Variants in SMURF2 observed in about 807,000 individuals in gnomAD.
The protein encoded by SMURF2 is SMAD specific E3 ubiquitin protein ligase 2.
SMURF2 carries 48 observed loss-of-function variants against 109.6 expected under a neutral mutation model. The observed-to-expected ratio is 0.44, with a 90% CI of 0.35 to 0.56. SMURF2 has a LOEUF of 0.56. SMURF2 is among the 20% of genes least tolerant of loss of function. The probability of loss-of-function intolerance (pLI) is 0.01; values close to 1 mark genes in which losing one functional copy is unlikely to be tolerated. For synonymous variants in SMURF2, 288 were observed against 317.1 expected, an observed-to-expected ratio of 0.91 and a Z score of 0.97; for missense variants, 575 against 909.0, an observed-to-expected ratio of 0.63 and a Z score of 4.72.
In SMURF2 at chr17:64,643,155, G is replaced by A. The variant is rs550238340; in HGVS notation, c.52+18674C>T. Among the ~76,000 whole-genome samples, 3 of 152,132 alleles carry A rather than the reference G, an allele frequency of 2.0e-5. No homozygotes were observed. The East Asian group carries it at 5.8e-4, about 29-fold the overall frequency. The stretch of plus-strand genomic sequence containing the variant: ...CCCTCCCATCTCAGCTTCCCAAGTA[G>A]CTGGGATCACAGGCACGTCACCATA... On this transcript the variant is annotated intron_variant, in intron 1 of 18. Transcript: ENST00000262435.
At chr17:64,647,634 T>C (rs1970576604) in intron 1 of SMURF2, among the ~76,000 whole-genome samples, 1 of 149,168 alleles carries the variant, frequency 6.7e-6, no homozygotes. Context: ...TGAGCCGAGA[T>C]CATGCCATTG....
intron 1 of SMURF2, among the ~76,000 whole-genome samples, chr17:64,612,117 A>G (rs1970052692): frequency 6.6e-6 from 1 of 152,144 alleles, no homozygotes; most frequent in Non-Finnish European, 1.5e-5. Context: ...TCATACTTTT[A>G]TAAACACTTA....
chr17:64,544,271 C>A lies in SMURF2; in HGVS notation c.*1577G>T, dbSNP rs184669022. The A allele has an allele frequency of 3.2e-3, 482 of 152,192 alleles. 4 individuals carry two copies. The highest frequency in any genetic ancestry group is 3.2e-3 in the Non-Finnish European group (215 of 68,042). 9.4% of individuals were successfully genotyped at this position (152,192 alleles called of 1,614,324 possible). ...TTCCCCCTCGCTCCCTCTCATTGCCCCTCTTCTCTTAAACCATTACTCCTG... is the reference window on the plus strand; with the variant it reads ...TTCCCCCTCGCTCCCTCTCATTGCCACTCTTCTCTTAAACCATTACTCCTG... On this transcript the variant is annotated 3_prime_UTR_variant, in exon 19 of 19. Coordinates refer to ENST00000262435, the MANE Select transcript of SMURF2 (RefSeq NM_022739.4).
At chr17:64,645,821 C>T (rs1970551394) in intron 1 of SMURF2, among the ~76,000 whole-genome samples, 2 of 152,106 alleles carry the variant, frequency 1.3e-5, no homozygotes, top group South Asian at 4.1e-4. Context: ...CTTTCAATTA[C>T]TTCATGTGTC....
intron 10 of SMURF2, 137 bp from the exon 11 acceptor site, chr17:64,563,103 T>C (rs771407111): frequency 1.4e-6 from 1 of 699,082 alleles, no homozygotes; most frequent in Non-Finnish European, 2.2e-6. Flanking sequence ...TATACTTGGC[T>C]TGACATTTTT....
chr17:64,629,406 A>G (rs1050277822), intron 1 of SMURF2, among the ~76,000 whole-genome samples: 11 of 152,156 alleles, frequency 7.2e-5, no homozygotes, highest in Non-Finnish European at 1.6e-4. Flanking sequence ...TGGAAGGCTA[A>G]GGCAAAAGGA....
At chr17:64,617,627 A>C (rs1555690215) in intron 1 of SMURF2, among the ~76,000 whole-genome samples, 1 of 152,060 alleles carries the variant, frequency 6.6e-6, no homozygotes, top group Non-Finnish European at 1.5e-5. Context: ...CTGGGACTAC[A>C]GGCGCACACC....
chr17:64,590,349 G>A (rs1476765147), intron 5 of SMURF2, among the ~76,000 whole-genome samples: 1 of 151,718 alleles, frequency 6.6e-6, no homozygotes, highest in Non-Finnish European at 1.5e-5. Flanking sequence ...CACCATGTTG[G>A]CCAGGCTGGT....
In SMURF2 at chr17:64,606,651, A is replaced by C. The variant is rs545656843; in HGVS notation, c.53-11T>G. 3.3e-6 allele frequency: 5 copies of C among 1,515,404 alleles called. No homozygotes were observed. Among genetic ancestry groups the C allele is most frequent in the East Asian group, 2.3e-5 (1 of 43,840 alleles). The allele number at this position is 1,515,404 out of a possible 1,614,324, so 93.9% of individuals were successfully genotyped here. On this transcript the variant is annotated splice_polypyrimidine_tract_variant and intron_variant, in intron 1 of 18. Transcript: ENST00000262435. ...TTTTTGCACAGAGTACTGTAAAAAAAAAAAACAAAAAATACATGGGAAAAA... is the reference window on the plus strand; with the variant it reads ...TTTTTGCACAGAGTACTGTAAAAAACAAAAACAAAAAATACATGGGAAAAA...
intron 9 of SMURF2, among the ~76,000 whole-genome samples, chr17:64,572,526 C>A (rs868991929): frequency 1.3e-5 from 2 of 152,198 alleles, no homozygotes; most frequent in Admixed American, 1.3e-4. Flanking sequence ...GTTTAAGATA[C>A]ATTACCAAGA....
chr17:64,588,145 T>C (rs1969691144), intron 5 of SMURF2, among the ~76,000 whole-genome samples: 1 of 142,588 alleles, frequency 7.0e-6, no homozygotes, highest in Admixed American at 6.9e-5. Flanking sequence ...TTTTTAAAAA[T>C]TCAGTATAAT....
Position 64,590,144 on chromosome 17 carries a change from C to CTTTTTTT in SMURF2, c.400+933_400+939dup, listed in dbSNP as rs200015210. 1.3e-3 allele frequency among the ~76,000 whole-genome samples: 184 copies of CTTTTTTT among 136,930 alleles called. 1 individual carries two copies. Among genetic ancestry groups the CTTTTTTT allele is most frequent in the African/African-American group, 4.8e-3 (174 of 35,902 alleles). The allele number at this position is 136,930 out of a possible 152,430, so 89.8% of individuals were successfully genotyped here. A position where few individuals can be genotyped will look rare whatever the true frequency, so the allele number is the denominator to read the frequency against. ...GACATTCCTATTGAATTTTTCTTTTCTTTTTTTTTTTTTTTGAGACAGGGT... is the reference window on the plus strand; with the variant it reads ...GACATTCCTATTGAATTTTTCTTTTCTTTTTTTTTTTTTTTTTTTTTTGAGACAGGGT... On this transcript the variant is annotated intron_variant, in intron 5 of 18. Coordinates refer to ENST00000262435, the MANE Select transcript of SMURF2 (RefSeq NM_022739.4).
chr17:64,622,036 G>T (rs112632908), intron 1 of SMURF2, among the ~76,000 whole-genome samples: 3,555 of 147,130 alleles, frequency 0.024, 151 homozygotes, highest in African/African-American at 0.084. Flanking sequence ...CTCCAGCCTG[G>T]GTGGCAGAGT....
At chr17:64,620,977 C>T (rs78646191) in intron 1 of SMURF2, among the ~76,000 whole-genome samples, 5,418 of 152,194 alleles carry the variant, frequency 0.036, 330 homozygotes, top group African/African-American at 0.12. Context: ...AAGTACTCTG[C>T]GTACCCATTC....
At chr17:64,573,924 T>C (rs1010879391) in intron 9 of SMURF2, among the ~76,000 whole-genome samples, 1 of 152,254 alleles carries the variant, frequency 6.6e-6, no homozygotes, top group East Asian at 1.9e-4. Flanking sequence ...AGGAGCTAAA[T>C]GATGGGAACA....
At position 64,625,551 on chromosome 17, in the gene SMURF2, T is replaced by A. The variant is rs376468934; in HGVS notation, c.53-18911A>T. 1.4e-4 allele frequency among the ~76,000 whole-genome samples: 22 copies of A among 152,338 alleles called. No homozygotes were observed. In the East Asian group the frequency reaches 3.7e-3, roughly 25 times the overall value. On this transcript the variant is annotated intron_variant, in intron 1 of 18. Coordinates refer to ENST00000262435, the MANE Select transcript of SMURF2 (RefSeq NM_022739.4). ...TTATGACACTAGCAAATTAACATAG[T>A]GTAGATTATGAGCCCACATATGTAG...
intron 1 of SMURF2, among the ~76,000 whole-genome samples, chr17:64,618,337 A>G (rs1308217597): frequency 6.6e-6 from 1 of 152,230 alleles, no homozygotes; most frequent in East Asian, 1.9e-4. Flanking sequence ...AGATAAATGT[A>G]AAACACTTGG....
At chr17:64,599,764 A>G (rs1453402107) in intron 2 of SMURF2, among the ~76,000 whole-genome samples, 3 of 152,100 alleles carry the variant, frequency 2.0e-5, no homozygotes, top group Non-Finnish European at 4.4e-5. Flanking sequence ...TCCTTGGAAA[A>G]ACTGTCTTGC....
chr17:64,586,750 CA>C (rs782490512), intron 5 of SMURF2, among the ~76,000 whole-genome samples: 568 of 27,432 alleles, frequency 0.021, 1 homozygote, highest in African/African-American at 0.048. Flanking sequence ...GACTCCGTCT[CA>C]AAAAAAAAAA....
Sources: allele counts gnomAD v4.1 joint callset (sites outside exome capture counted in the v4.1 genomes callset), GRCh38; gene constraint gnomAD v4.1.1; transcripts MANE v1.5; gene names NCBI Gene and HGNC (gene_info 2026-07-23, HGNC 2026-07-21).